Variants in SLC25A25 observed in about 807,000 individuals in gnomAD.
SLC25A25 encodes the protein solute carrier family 25 member 25.
SLC25A25 carries 32 observed loss-of-function variants against 57.7 expected under a neutral mutation model. The observed-to-expected ratio is 0.55, with a 90% CI of 0.42 to 0.74. The LOEUF (loss-of-function observed/expected upper bound fraction) is 0.74, where lower values mean the gene tolerates loss of function less well. SLC25A25 is among the 30% of genes least tolerant of loss of function. SLC25A25 has a pLI of 0.00. For missense variants in SLC25A25, 556 were observed against 701.3 expected (o/e 0.79, Z 2.34); for synonymous variants, 306 against 291.2 (o/e 1.05, Z -0.52).
chr9:128,080,331 CAG>C (rs1324479745), intron 1 of SLC25A25, among the ~76,000 whole-genome samples: 1 of 129,100 alleles, frequency 7.7e-6, no homozygotes, highest in Non-Finnish European at 1.6e-5. Context: ...GCCTGGGTGA[CAG>C]AGCAAGACTC....
intron 1 of SLC25A25, among the ~76,000 whole-genome samples, chr9:128,076,473 TA>T (rs1235381709): frequency 8.6e-5 from 8 of 92,538 alleles, no homozygotes; most frequent in Non-Finnish European, 2.0e-5. Flanking sequence ...TTTTTATTTT[TA>T]TTTTTTTTTG....
In SLC25A25 at chr9:128,103,286, T is replaced by C. The variant is rs971267273; in HGVS notation, c.625-395T>C. Among the ~76,000 whole-genome samples the C allele has an allele frequency of 3.4e-4, 52 of 152,336 alleles. No homozygotes were observed. The highest frequency in any genetic ancestry group is 4.9e-4 in the Non-Finnish European group (33 of 68,020). On this transcript the variant is annotated intron_variant, in intron 5 of 10. Coordinates refer to ENST00000373069, the MANE Select transcript of SLC25A25 (RefSeq NM_001330988.2). The surrounding 1 kb of genome is among the most constrained non-coding windows in gnomAD (Gnocchi z 6.7). ...GTTGCATAATGTTCTGCCAGCGTGA[T>C]CTGGTTACACGTGAGATCTCAGACG...
intron 1 of SLC25A25, among the ~76,000 whole-genome samples, chr9:128,090,457 A>G (rs1333898256): frequency 6.7e-6 from 1 of 148,630 alleles, no homozygotes; most frequent in Non-Finnish European, 1.5e-5. Context: ...TTGGCCTCCC[A>G]AAGTGCTGGG....
chr9:128,094,752 A>T (rs1281955438), intron 1 of SLC25A25, among the ~76,000 whole-genome samples: 1 of 152,194 alleles, frequency 6.6e-6, no homozygotes, highest in Non-Finnish European at 1.5e-5. Flanking sequence ...TTCTTCTGGC[A>T]TGTAACATAG....
At chr9:128,082,718 T>C (rs1306698084) in intron 1 of SLC25A25, among the ~76,000 whole-genome samples, 1 of 152,208 alleles carries the variant, frequency 6.6e-6, no homozygotes, top group Non-Finnish European at 1.5e-5. Flanking sequence ...CAATCTTGGC[T>C]CACTGCAACC....
In SLC25A25 at chr9:128,107,290, T is replaced by C. The variant is rs1834089201; in HGVS notation, c.1394T>C (p.Met465Thr). ...ATTGAGGGCGCTCCGGAGGTGACCA[T>C]GAGCAGCCTCTTCAAACATATCCTG... is the stretch of plus-strand genomic sequence containing the variant. ...ASIEGAPEVT[M>T]SSLFKHILRT... The change falls in exon 11 of 11, where the codon ATG (methionine) becomes ACG (threonine). Residue 465 changes from methionine (M) to threonine (T), a missense_variant. Met to Thr is a moderately conservative substitution (Grantham distance 81). Around this residue, in one of 3 missense-constraint regions of SLC25A25, gnomAD observed 294 missense variants for 389.6 expected, o/e 0.75. Coordinates refer to ENST00000373069, the MANE Select transcript of SLC25A25 (RefSeq NM_001330988.2). 3 of 1,581,366 alleles carry C rather than the reference T, an allele frequency of 1.9e-6. No homozygotes were observed. Among genetic ancestry groups the C allele is most frequent in the East Asian group, 2.3e-5 (1 of 44,320 alleles).
chr9:128,105,451 A>G (rs369341090), intron 6 of SLC25A25, among the ~76,000 whole-genome samples: 28 of 151,536 alleles, frequency 1.8e-4, no homozygotes, highest in African/African-American at 6.3e-4. Flanking sequence ...GATTACAGGC[A>G]TGAGCCACCG....
chr9:128,088,501 C>T (rs1302524305), intron 1 of SLC25A25, among the ~76,000 whole-genome samples: 2 of 152,186 alleles, frequency 1.3e-5, no homozygotes, highest in African/African-American at 2.4e-5. Context: ...ATCTCTTGAA[C>T]ATCAGGAGGC....
At chr9:128,082,162 C>T (rs944155080) in intron 1 of SLC25A25, among the ~76,000 whole-genome samples, 1 of 152,178 alleles carries the variant, frequency 6.6e-6, no homozygotes, top group Non-Finnish European at 1.5e-5. Context: ...GTTTTCATGC[C>T]GGACTTCTCT....
chr9:128,088,007 T>A (rs1833315503), intron 1 of SLC25A25, among the ~76,000 whole-genome samples: 1 of 152,264 alleles, frequency 6.6e-6, no homozygotes, highest in South Asian at 2.1e-4. Flanking sequence ...CTGCTCAGTC[T>A]TTATTGATTT....
chr9:128,084,202 A>G (rs976241113), intron 1 of SLC25A25, among the ~76,000 whole-genome samples: 2 of 151,986 alleles, frequency 1.3e-5, no homozygotes, highest in African/African-American at 4.8e-5. Flanking sequence ...GGACATGCCT[A>G]ATTATACCCT....
At chr9:128,092,199 G>A in intron 1 of SLC25A25, 1 of 1,378,886 alleles carries the variant, frequency 7.3e-7, no homozygotes, top group Non-Finnish European at 9.8e-7. Flanking sequence ...GTTAGTTCGG[G>A]GTTCAGGGAG....
rs774409556 is a variant in SLC25A25 at position 128,068,282 on chromosome 9, C to T, written c.-38C>T. The T allele has an allele frequency of 2.0e-5, 25 of 1,224,156 alleles. No individual in the cohort carries two copies. The Admixed American group carries it at 6.3e-4, about 31-fold the overall frequency. The allele number at this position is 1,224,156 out of a possible 1,614,324, so 75.8% of individuals were successfully genotyped here. ...GCGGTCACCGCCGGCCCGCCGCCCCCGCTCCCGCCCGCGCCCGGAGCCCCT... is the reference window on the plus strand; with the variant it reads ...GCGGTCACCGCCGGCCCGCCGCCCCTGCTCCCGCCCGCGCCCGGAGCCCCT... On this transcript the variant is annotated 5_prime_UTR_variant, in exon 1 of 11. Transcript: ENST00000373069.
rs769099605 is a variant in SLC25A25, at chr9:128,095,241, T to C, written c.262-5855T>C. ...TCACCTACTGTCTGGCTTACCGGCA[T>C]CCTTTGGGAACTGAATACTAAAATC... On this transcript the variant is annotated intron_variant, in intron 1 of 10. Transcript: ENST00000373069. The surrounding 1 kb of genome is among the most constrained non-coding windows in gnomAD (Gnocchi z 4.4). Among the ~76,000 whole-genome samples the C allele has an allele frequency of 6.6e-6, 1 of 152,240 alleles. No individual in the cohort carries two copies. The highest frequency in any genetic ancestry group is 1.5e-5 in the Non-Finnish European group (1 of 68,044).
At chr9:128,085,513 T>C (rs942138914) in intron 1 of SLC25A25, among the ~76,000 whole-genome samples, 3 of 152,158 alleles carry the variant, frequency 2.0e-5, no homozygotes, top group African/African-American at 4.8e-5. Context: ...AGGTATTCAA[T>C]TGAACACATT....
Position 128,106,528 on chromosome 9 carries a change from C to G in SLC25A25, c.1212+8C>G. 6.3e-7 allele frequency: 1 copy of G among 1,583,816 alleles called. No homozygotes were observed. Among genetic ancestry groups the G allele is most frequent in the Non-Finnish European group, 8.6e-7 (1 of 1,168,412 alleles). On this transcript the variant is annotated splice_region_variant and intron_variant, in intron 9 of 10. Coordinates refer to ENST00000373069, the MANE Select transcript of SLC25A25 (RefSeq NM_001330988.2). ...GACCTTGCAGTCTACGAGGTGAGGC[C>G]CAAGCTGGACAGATTTAGAAACCTC...
At chr9:128,076,280 A>G (rs757640111) in intron 1 of SLC25A25, among the ~76,000 whole-genome samples, 1 of 151,794 alleles carries the variant, frequency 6.6e-6, no homozygotes, top group Non-Finnish European at 1.5e-5. Context: ...ACAGGTGTGC[A>G]CCACCATGCC....
In SLC25A25 at chr9:128,108,265, T is replaced by C; in HGVS notation, c.*821T>C. On this transcript the variant is annotated 3_prime_UTR_variant, in exon 11 of 11. Transcript: ENST00000373069. ...TGTTTGAGGGCGAAGGGCAGAGCGT[T>C]TGTGTGTTCTGGGGAGGGAAGGAAA... The C allele has an allele frequency of 2.5e-6, 1 of 399,064 alleles. No individual in the cohort carries two copies. Among genetic ancestry groups the C allele is most frequent in the Non-Finnish European group, 4.4e-6 (1 of 226,118 alleles). The allele number at this position is 399,064 out of a possible 1,614,324, so 24.7% of individuals were successfully genotyped here. A position where few individuals can be genotyped will look rare whatever the true frequency, so the allele number is the denominator to read the frequency against.
chr9:128,105,372 T>C (rs1015117405), intron 6 of SLC25A25, among the ~76,000 whole-genome samples: 7 of 152,026 alleles, frequency 4.6e-5, no homozygotes, highest in South Asian at 2.1e-4. Flanking sequence ...GGTTTCACCA[T>C]GTTGGCTGGG....
Sources: allele counts gnomAD v4.1 joint callset (sites outside exome capture counted in the v4.1 genomes callset), GRCh38; gene constraint gnomAD v4.1.1; regional missense constraint gnomAD v4.1.1; non-coding constraint Gnocchi (gnomAD v3.1); transcripts MANE v1.5; gene names NCBI Gene and HGNC (gene_info 2026-07-23, HGNC 2026-07-21).